OTUD7A: variants seen among roughly 807,000 people sequenced by gnomAD.
OTUD7A encodes OTU deubiquitinase 7A, also known as OTU domain-containing protein 7A.
A neutral mutation model predicts 65.7 loss-of-function variants in OTUD7A; 12 were observed. The observed-to-expected ratio is 0.18, with a 90% CI of 0.12 to 0.30. OTUD7A has a LOEUF of 0.30. OTUD7A is among the 10% of genes least tolerant of loss of function. The probability of loss-of-function intolerance (pLI) is 1.00; values close to 1 mark genes in which losing one functional copy is unlikely to be tolerated. For missense variants in OTUD7A, 1,148 were observed against 1,304.8 expected (o/e 0.88, Z 1.85); for synonymous variants, 641 against 586.3 (o/e 1.09, Z -1.35).
intron 8 of OTUD7A, among the ~76,000 whole-genome samples, chr15:31,505,810 C>G (rs1372068442): frequency 6.6e-6 from 1 of 150,868 alleles, no homozygotes; most frequent in Non-Finnish European, 1.5e-5. Flanking sequence ...AGTGCAGTGG[C>G]ATGATCTCGG....
chr15:31,759,569 T>C (rs1350336034), intron 1 of OTUD7A, among the ~76,000 whole-genome samples: 1 of 152,244 alleles, frequency 6.6e-6, no homozygotes, highest in East Asian at 1.9e-4. Context: ...AGTCTTGCTC[T>C]GTCACCCAGG....
chr15:31,598,324 T>G (rs904404281), intron 3 of OTUD7A, among the ~76,000 whole-genome samples: 1 of 152,224 alleles, frequency 6.6e-6, no homozygotes, highest in South Asian at 2.1e-4. Context: ...TTGGGACTGG[T>G]TGGACAGTGG....
rs563553760 is a variant in OTUD7A at position 31,856,163 on chromosome 15, T to C, written c.-100+14344A>G. On this transcript the variant is annotated intron_variant, in intron 1 of 12. Transcript: ENST00000307050. ...AAAATATAATTTAACTGAGTACTTT[T>C]TTAGTTAAAATAGCATGTATTGTAG... 1.1e-4 allele frequency among the ~76,000 whole-genome samples: 17 copies of C among 152,376 alleles called. 1 individual carries two copies. The South Asian group carries it at 3.3e-3, about 30-fold the overall frequency.
chr15:31,594,049 C>T (rs1033423667), intron 3 of OTUD7A, among the ~76,000 whole-genome samples: 8 of 152,172 alleles, frequency 5.3e-5, no homozygotes, highest in African/African-American at 1.9e-4. Flanking sequence ...GTCTCCTGGC[C>T]TTTAACCTTA....
intron 1 of OTUD7A, among the ~76,000 whole-genome samples, chr15:31,825,944 G>A (rs909408138): frequency 6.6e-6 from 1 of 152,234 alleles, no homozygotes; most frequent in Non-Finnish European, 1.5e-5. Context: ...TGATGCTAGA[G>A]GGGGGTTCCC....
At chr15:31,608,318 A>T (rs1230078226) in intron 3 of OTUD7A, among the ~76,000 whole-genome samples, 1 of 152,246 alleles carries the variant, frequency 6.6e-6, no homozygotes, top group African/African-American at 2.4e-5. Flanking sequence ...GAACTGAAAA[A>T]TAGATGAACT....
intron 1 of OTUD7A, among the ~76,000 whole-genome samples, chr15:31,812,160 G>A (rs895954217): frequency 6.6e-6 from 1 of 152,132 alleles, no homozygotes; most frequent in African/African-American, 2.4e-5. Context: ...GCCTCAACCC[G>A]TGCATCACAT....
At chr15:31,578,139 C>T (rs911782579) in intron 3 of OTUD7A, among the ~76,000 whole-genome samples, 2 of 152,106 alleles carry the variant, frequency 1.3e-5, no homozygotes, top group African/African-American at 4.8e-5. Flanking sequence ...TGGTTCAGGC[C>T]AAGGTGGGAA....
At chr15:31,864,160 C>T (rs1897817208) in intron 1 of OTUD7A, among the ~76,000 whole-genome samples, 1 of 152,180 alleles carries the variant, frequency 6.6e-6, no homozygotes, top group Admixed American at 6.5e-5. Context: ...GCATTTTTGT[C>T]AAAGCCACTC....
At chr15:31,719,848 C>T (rs1679953775) in intron 1 of OTUD7A, among the ~76,000 whole-genome samples, 1 of 152,064 alleles carries the variant, frequency 6.6e-6, no homozygotes, top group African/African-American at 2.4e-5. Flanking sequence ...CCCACCAGCA[C>T]ACTCCCTCTG....
intron 10 of OTUD7A, among the ~76,000 whole-genome samples, chr15:31,497,186 C>A (rs2041398808): frequency 6.6e-6 from 1 of 152,152 alleles, no homozygotes; most frequent in Non-Finnish European, 1.5e-5. Flanking sequence ...CCTGGATATG[C>A]CTCAGAGGCT....
At chr15:31,771,364 C>T (rs375498261) in intron 1 of OTUD7A, among the ~76,000 whole-genome samples, 3 of 152,342 alleles carry the variant, frequency 2.0e-5, no homozygotes, top group African/African-American at 7.2e-5. Flanking sequence ...ACCGACTTTA[C>T]TTTCAAATCC....
chr15:31,666,440 T>C (rs910001770), intron 1 of OTUD7A, among the ~76,000 whole-genome samples: 5 of 152,174 alleles, frequency 3.3e-5, no homozygotes, highest in African/African-American at 9.7e-5. Flanking sequence ...TAATCCTTTG[T>C]ATTTCTGTGG....
At chr15:31,502,013 C>A (rs1188187606) in intron 9 of OTUD7A, among the ~76,000 whole-genome samples, 174 bp from the exon 10 acceptor site, 1 of 152,168 alleles carries the variant, frequency 6.6e-6, no homozygotes, top group Non-Finnish European at 1.5e-5. Flanking sequence ...CCAGAGTCAT[C>A]TGTCTGCCCC....
chr15:31,630,461 T>C (rs1891107667), intron 3 of OTUD7A, among the ~76,000 whole-genome samples: 1 of 152,254 alleles, frequency 6.6e-6, no homozygotes, highest in Non-Finnish European at 1.5e-5. Context: ...GAGAGACAGT[T>C]TGTTATAATT....
intron 1 of OTUD7A, among the ~76,000 whole-genome samples, chr15:31,868,157 G>A (rs1040188909): frequency 2.0e-5 from 3 of 152,246 alleles, no homozygotes; most frequent in Non-Finnish European, 2.9e-5. Flanking sequence ...CGGAAGATGT[G>A]ACAGTGATCT....
Position 31,631,502 on chromosome 15 carries a change from C to T in OTUD7A, c.151+23594G>A, listed in dbSNP as rs551392764. On this transcript the variant is annotated intron_variant, in intron 3 of 12. Transcript: ENST00000307050. ...TCCCTTTGTGGGTTACCCGACCTTT[C>T]TCTCTGTCTGCGCTTAACATTTTTT... Among the ~76,000 whole-genome samples the T allele has an allele frequency of 5.3e-5, 8 of 152,228 alleles. No individual in the cohort carries two copies. In the East Asian group the frequency reaches 1.5e-3, roughly 29 times the overall value.
At chr15:31,561,430 C>T (rs574118920) in intron 4 of OTUD7A, among the ~76,000 whole-genome samples, 3 of 152,270 alleles carry the variant, frequency 2.0e-5, no homozygotes, top group East Asian at 3.9e-4. Context: ...ATTAGAGAAT[C>T]GAGGTGCTAT....
chr15:31,639,193 T>G (rs1279666700), intron 3 of OTUD7A, among the ~76,000 whole-genome samples: 1 of 152,188 alleles, frequency 6.6e-6, no homozygotes, highest in African/African-American at 2.4e-5. Context: ...AGGCAATCAC[T>G]GACCTGCATT....
Sources: gnomAD v4.1 joint callset for allele counts (sites outside exome capture counted in the v4.1 genomes callset) on GRCh38, gnomAD v4.1.1 for gene constraint, MANE v1.5 for transcripts, NCBI Gene and HGNC (gene_info 2026-07-23, HGNC 2026-07-21) for gene names.